RHOBTB1: variants seen among roughly 807,000 people sequenced by gnomAD.
The protein encoded by RHOBTB1 is rho-related BTB domain-containing protein 1.
In RHOBTB1, 40 loss-of-function variants were observed where a neutral mutation model predicts 71.6. That is an observed-to-expected ratio of 0.56 (90% CI 0.43 to 0.73). The LOEUF is 0.73. Among genes scored for constraint, RHOBTB1 ranks in the 30% least tolerant of loss-of-function variants. The pLI, the probability that RHOBTB1 is intolerant of heterozygous loss-of-function variation, is 0.00. For synonymous variants in RHOBTB1, 319 were observed against 334.9 expected, an observed-to-expected ratio of 0.95 and a Z score of 0.52; for missense variants, 797 against 894.0, an observed-to-expected ratio of 0.89 and a Z score of 1.38.
intron 4 of RHOBTB1, among the ~76,000 whole-genome samples, chr10:60,909,402 C>G (rs1365785983): frequency 6.6e-6 from 1 of 152,024 alleles, no homozygotes; most frequent in Non-Finnish European, 1.5e-5. Flanking sequence ...TTGAAATAGT[C>G]TCTAGATTCT....
intron 4 of RHOBTB1, 79 bp from the exon 5 acceptor site, chr10:60,893,074 C>T (rs1032172425): frequency 9.3e-7 from 1 of 1,072,366 alleles, no homozygotes; most frequent in East Asian, 2.4e-5. Context: ...CTCTCAAACC[C>T]CATCCTTCTA....
intron 4 of RHOBTB1, among the ~76,000 whole-genome samples, chr10:60,909,306 T>C (rs574299549): frequency 6.6e-6 from 1 of 152,242 alleles, no homozygotes; most frequent in African/African-American, 2.4e-5. Flanking sequence ...CATTTCATTG[T>C]TGTTGTTTTC....
intron 2 of RHOBTB1, among the ~76,000 whole-genome samples, chr10:60,982,002 C>T (rs897631673): frequency 1.3e-5 from 2 of 152,158 alleles, no homozygotes; most frequent in Non-Finnish European, 2.9e-5. Context: ...AACTCCTGAC[C>T]TCAGGTGATC....
At chr10:60,882,280 A>C (rs2081362376) in intron 7 of RHOBTB1, among the ~76,000 whole-genome samples, 1 of 152,126 alleles carries the variant, frequency 6.6e-6, no homozygotes, top group Non-Finnish European at 1.5e-5. Flanking sequence ...TAGTTGGTGT[A>C]AAATTTTAAT....
At position 60,928,508 on chromosome 10, in the gene RHOBTB1, A is replaced by G. The variant is rs117076930; in HGVS notation, c.-11+13296T>C. On this transcript the variant is annotated intron_variant, in intron 2 of 10. Coordinates refer to ENST00000337910, the MANE Select transcript of RHOBTB1 (RefSeq NM_014836.5). Reference sequence around the variant, plus strand: ...ACTGGAGGATATTATGTTAAATAAAATAAACCAGGCACTAAAAGACAAATA... The same window carrying G: ...ACTGGAGGATATTATGTTAAATAAAGTAAACCAGGCACTAAAAGACAAATA... Among the ~76,000 whole-genome samples the G allele has an allele frequency of 3.7e-3, 569 of 151,830 alleles. 27 individuals are homozygous for G. The East Asian group carries it at 0.089, about 24-fold the overall frequency.
chr10:60,877,818 C>A, intron 8 of RHOBTB1, 90 bp downstream of exon 8: 1 of 1,350,944 alleles, frequency 7.4e-7, no homozygotes, highest in Non-Finnish European at 1.0e-6. Flanking sequence ...GATAAAAAAT[C>A]AATTTTTATT....
At chr10:60,902,160 T>A (rs12243758) in intron 4 of RHOBTB1, among the ~76,000 whole-genome samples, 5,127 of 152,272 alleles carry the variant, frequency 0.034, 282 homozygotes, top group African/African-American at 0.12. Context: ...AAGGACAGTG[T>A]GGGACAGCAG....
At chr10:60,923,150 T>C (rs1323627640) in intron 2 of RHOBTB1, among the ~76,000 whole-genome samples, 3 of 152,200 alleles carry the variant, frequency 2.0e-5, no homozygotes, top group East Asian at 3.8e-4. Flanking sequence ...CTTTTGTGTA[T>C]GGATAGTGTA....
intron 1 of RHOBTB1, 125 bp from the exon 2 acceptor site, chr10:60,941,979 C>T (rs1010268892): frequency 1.4e-4 from 21 of 151,902 alleles, no homozygotes; most frequent in African/African-American, 3.4e-4. Flanking sequence ...ATCTGCTTTA[C>T]TTTTGCTAAG....
At chr10:60,876,248 T>C (rs2081047541) in intron 8 of RHOBTB1, among the ~76,000 whole-genome samples, 1 of 152,196 alleles carries the variant, frequency 6.6e-6, no homozygotes, top group African/African-American at 2.4e-5. Flanking sequence ...CACTCTACAC[T>C]AGACAGTACA....
chr10:60,865,577 G>A (rs1367738218), downstream of RHOBTB1, among the ~76,000 whole-genome samples: 1 of 152,216 alleles, frequency 6.6e-6, no homozygotes, highest in Non-Finnish European at 1.5e-5. Context: ...ATAACTCATT[G>A]TAATAGGTAA....
upstream of RHOBTB1, among the ~76,000 whole-genome samples, chr10:60,945,263 C>T (rs1389967768): frequency 6.6e-6 from 1 of 152,130 alleles, no homozygotes; most frequent in Non-Finnish European, 1.5e-5. Context: ...CAACTGTGTT[C>T]AGCTACCGAG....
intron 2 of RHOBTB1, among the ~76,000 whole-genome samples, chr10:60,933,203 G>A (rs200799219): frequency 6.6e-6 from 1 of 152,106 alleles, no homozygotes; most frequent in East Asian, 1.9e-4. Flanking sequence ...ATTTTTCAGG[G>A]CATGTTCCTA....
chr10:60,906,888 C>T (rs1351412028), intron 4 of RHOBTB1, among the ~76,000 whole-genome samples: 1 of 152,226 alleles, frequency 6.6e-6, no homozygotes, highest in Non-Finnish European at 1.5e-5. Flanking sequence ...TGTCCCCACC[C>T]AAATCTCGAA....
intron 2 of RHOBTB1, among the ~76,000 whole-genome samples, chr10:60,981,064 G>C (rs193004934): frequency 6.6e-6 from 1 of 152,094 alleles, no homozygotes; most frequent in African/African-American, 2.4e-5. Context: ...TCCTTACTGG[G>C]AAATTCTATG....
At chr10:60,929,153 T>C (rs946402536) in intron 2 of RHOBTB1, among the ~76,000 whole-genome samples, 8 of 152,160 alleles carry the variant, frequency 5.3e-5, no homozygotes, top group Admixed American at 4.6e-4. Context: ...CTTCAACATG[T>C]GGGGATTATA....
intron 2 of RHOBTB1, among the ~76,000 whole-genome samples, chr10:60,927,537 T>C (rs1042011968): frequency 1.3e-5 from 2 of 152,094 alleles, no homozygotes; most frequent in Non-Finnish European, 2.9e-5. Context: ...TGGAAGAGAA[T>C]AGAGAACCCA....
At chr10:60,958,498 A>G (rs946612609) in intron 2 of RHOBTB1, among the ~76,000 whole-genome samples, 6 of 152,212 alleles carry the variant, frequency 3.9e-5, no homozygotes, top group Admixed American at 3.9e-4. Context: ...CTATATAGAT[A>G]TGGATTTCCA....
intron 2 of RHOBTB1, among the ~76,000 whole-genome samples, chr10:60,965,670 G>GAATA: frequency 6.6e-6 from 1 of 152,294 alleles, no homozygotes; most frequent in African/African-American, 2.4e-5. Context: ...ATGAATGAAT[G>GAATA]AATACAGGTT....
Sources: allele counts gnomAD v4.1 joint callset (sites outside exome capture counted in the v4.1 genomes callset), GRCh38; gene constraint gnomAD v4.1.1; transcripts MANE v1.5; gene names NCBI Gene and HGNC (gene_info 2026-07-23, HGNC 2026-07-21).